MRFAP1: variants seen among roughly 807,000 people sequenced by gnomAD.
MRFAP1 encodes Morf4 family associated protein 1.
A neutral mutation model predicts 9.3 loss-of-function variants in MRFAP1; 1 was observed. That is an observed-to-expected ratio of 0.11 (90% confidence interval 0.04 to 0.51). The LOEUF is 0.51. Ranked by LOEUF, MRFAP1 falls within the 20% of genes least tolerant of loss-of-function variation. The pLI is 0.94. For synonymous variants in MRFAP1, 101 were observed against 80.3 expected, an observed-to-expected ratio of 1.26 and a Z score of -1.38; for missense variants, 180 against 178.6, an observed-to-expected ratio of 1.01 and a Z score of -0.04.
Position 6,642,154 on chromosome 4 carries a change from C to T in MRFAP1, c.*437C>T, listed in dbSNP as rs915487545. 1.3e-5 allele frequency: 2 copies of T among 152,634 alleles called. No homozygotes were observed. Among genetic ancestry groups the T allele is most frequent in the African/African-American group, 2.4e-5 (1 of 41,448 alleles). The allele number at this position is 152,634 out of a possible 1,614,324, so 9.5% of individuals were successfully genotyped here. A position where few individuals can be genotyped will look rare whatever the true frequency, so the allele number is the denominator to read the frequency against. ...AGGTGCTGAAGGAGCTGCATTAATT[C>T]TGGAAGACGACTCCATGCAGCAACT... On this transcript the variant is annotated 3_prime_UTR_variant, in exon 2 of 2. Coordinates refer to ENST00000382581, the MANE Select transcript of MRFAP1 (RefSeq NM_033296.3).
chr4:6,641,900 G>C lies in MRFAP1; in HGVS notation c.*183G>C, dbSNP rs1011206444. Reference sequence around the variant, plus strand: ...GATGACCTCAATATGAGTTTCGATTGTTAACGTGTTTTTGTTTGGGAAGTA... The same window carrying C: ...GATGACCTCAATATGAGTTTCGATTCTTAACGTGTTTTTGTTTGGGAAGTA... On this transcript the variant is annotated 3_prime_UTR_variant, in exon 2 of 2. Coordinates refer to ENST00000382581, the MANE Select transcript of MRFAP1 (RefSeq NM_033296.3). 5 of 152,634 alleles carry C rather than the reference G, an allele frequency of 3.3e-5. No homozygotes were observed. The highest frequency in any genetic ancestry group is 7.3e-5 in the Non-Finnish European group (5 of 68,056). The allele number at this position is 152,634 out of a possible 1,614,324, so 9.5% of individuals were successfully genotyped here. A position where few individuals can be genotyped will look rare whatever the true frequency, so the allele number is the denominator to read the frequency against.
In MRFAP1 at chr4:6,641,163, G is replaced by C; in HGVS notation, c.301G>C (p.Glu101Gln). ...GRAAKRCEKA[E>Q]EKAKEIAKMA... The stretch of plus-strand genomic sequence containing the variant: ...GGCGGCCAAGAGGTGCGAGAAGGCC[G>C]AGGAGAAGGCCAAGGAGATTGCGAA... The change falls in exon 1 of 2, where the codon GAG becomes CAG. Residue 101 changes from glutamate to glutamine, a missense_variant. By Grantham distance (29) the Glu-to-Gln change is conservative. Coordinates refer to ENST00000382581, the MANE Select transcript of MRFAP1 (RefSeq NM_033296.3). 1 of 1,614,060 alleles carries C rather than the reference G, an allele frequency of 6.2e-7. No homozygotes were observed. Among genetic ancestry groups the C allele is most frequent in the South Asian group, 1.1e-5 (1 of 91,060 alleles).
At chr4:6,641,600 T>G in intron 1 of MRFAP1, 130 bp from the exon 2 acceptor site, 1 of 230,288 alleles carries the variant, frequency 4.3e-6, no homozygotes, top group Non-Finnish European at 8.7e-6. Context: ...TCAACGTTGC[T>G]AGAGACTGGA....
At position 6,640,801 on chromosome 4, in the gene MRFAP1, C is replaced by T; in HGVS notation, c.-62C>T. On this transcript the variant is annotated 5_prime_UTR_variant, in exon 1 of 2. Transcript: ENST00000382581. Reference sequence around the variant, plus strand: ...TCGGGCTCTCTATTGCTAAGCATAGCGAGTGTCGGTTTTCTCTCTCCAACA... The same window carrying T: ...TCGGGCTCTCTATTGCTAAGCATAGTGAGTGTCGGTTTTCTCTCTCCAACA... 1 of 1,540,578 alleles carries T rather than the reference C, an allele frequency of 6.5e-7. No individual in the cohort carries two copies. The highest frequency in any genetic ancestry group is 1.7e-4 in the Middle Eastern group (1 of 5,726).
chr4:6,641,324 T>G, intron 1 of MRFAP1, 66 bp downstream of exon 1: 2 of 1,508,652 alleles, frequency 1.3e-6, no homozygotes, highest in Non-Finnish European at 1.8e-6. Context: ...AGAGCGATGA[T>G]TTCATCGAGA....
chr4:6,640,706 C>T lies in MRFAP1; in HGVS notation c.-157C>T, dbSNP rs536319486. ...CTCCATTTTGTTCGCCGTTACTCTGCGCGTAAGTCGCTTGTCCGTGGCTTC... is the reference window on the plus strand; with the variant it reads ...CTCCATTTTGTTCGCCGTTACTCTGTGCGTAAGTCGCTTGTCCGTGGCTTC... On this transcript the variant is annotated 5_prime_UTR_variant, in exon 1 of 2. Transcript: ENST00000382581. 8.4e-5 allele frequency: 80 copies of T among 954,548 alleles called. No homozygotes were observed. In the African/African-American group the frequency reaches 1.2e-3, roughly 15 times the overall value. The allele number at this position is 954,548 out of a possible 1,614,324, so 59.1% of individuals were successfully genotyped here.
chr4:6,641,411 T>A (rs1712822195), intron 1 of MRFAP1, 153 bp downstream of exon 1: 1 of 1,007,308 alleles, frequency 9.9e-7, no homozygotes, highest in South Asian at 1.9e-5. Flanking sequence ...GTCTTCGTGT[T>A]TTGTTTTTTG....
Position 6,641,144 on chromosome 4 carries a change from C to G in MRFAP1, c.282C>G (p.Ala94=). Residue 94 remains alanine (A), a synonymous_variant, in exon 1 of 2, where the codon GCC becomes GCG. Coordinates refer to ENST00000382581, the MANE Select transcript of MRFAP1 (RefSeq NM_033296.3). ...NPGDAAEGRA[A]KRCEKAEEKA... The stretch of plus-strand genomic sequence containing the variant: ...GCGACGCGGCCGAGGGCCGGGCGGC[C>G]AAGAGGTGCGAGAAGGCCGAGGAGA... 6.2e-7 allele frequency: 1 copy of G among 1,614,136 alleles called. No individual in the cohort carries two copies. The highest frequency in any genetic ancestry group is 8.5e-7 in the Non-Finnish European group (1 of 1,180,018).
In MRFAP1 at chr4:6,640,877, C is replaced by T. The variant is rs146669478; in HGVS notation, c.15C>T (p.Asp5=). Reference sequence around the variant, plus strand: ...AGTGGGAAGAGATGCGGCCCCTGGACATCGTCGAGCTGGCGGAACCGGAGG... The same window carrying T: ...AGTGGGAAGAGATGCGGCCCCTGGATATCGTCGAGCTGGCGGAACCGGAGG... MRPL[D]IVELAEPEEV... Residue 5 remains aspartate, a synonymous_variant, in exon 1 of 2, where the codon GAC becomes GAT. Transcript: ENST00000382581. The T allele has an allele frequency of 1.2e-6, 2 of 1,609,270 alleles. No individual in the cohort carries two copies. The highest frequency in any genetic ancestry group is 1.3e-5 in the African/African-American group (1 of 74,916).
At position 6,641,892 on chromosome 4, in the gene MRFAP1, T is replaced by C. The variant is rs993230964; in HGVS notation, c.*175T>C. On this transcript the variant is annotated 3_prime_UTR_variant, in exon 2 of 2. Coordinates refer to ENST00000382581, the MANE Select transcript of MRFAP1 (RefSeq NM_033296.3). ...CTGTGGTTGATGACCTCAATATGAG[T>C]TTCGATTGTTAACGTGTTTTTGTTT... 4.6e-5 allele frequency: 7 copies of C among 152,628 alleles called. No homozygotes were observed. The highest frequency in any genetic ancestry group is 1.7e-4 in the African/African-American group (7 of 41,426). The allele number at this position is 152,628 out of a possible 1,614,324, so 9.5% of individuals were successfully genotyped here.
chr4:6,640,806 G>A lies in MRFAP1; in HGVS notation c.-57G>A, dbSNP rs2108772190. On this transcript the variant is annotated 5_prime_UTR_variant, in exon 1 of 2. Coordinates refer to ENST00000382581, the MANE Select transcript of MRFAP1 (RefSeq NM_033296.3). ...CTCTCTATTGCTAAGCATAGCGAGT[G>A]TCGGTTTTCTCTCTCCAACAGACAT... is the stretch of plus-strand genomic sequence containing the variant. 1.3e-6 allele frequency: 2 copies of A among 1,549,746 alleles called. No individual in the cohort carries two copies. The highest frequency in any genetic ancestry group is 1.2e-5 in the South Asian group (1 of 82,626).
In MRFAP1 at chr4:6,642,108, G is replaced by T. The variant is rs1712861226; in HGVS notation, c.*391G>T. ...CTGTGTGTGACACATGAGACTCACA[G>T]TTGGAGTTCTCCAGCTCTGGAGGTG... On this transcript the variant is annotated 3_prime_UTR_variant, in exon 2 of 2. Transcript: ENST00000382581. 4 of 152,676 alleles carry T rather than the reference G, an allele frequency of 2.6e-5. No individual in the cohort carries two copies. The highest frequency in any genetic ancestry group is 4.4e-5 in the Non-Finnish European group (3 of 68,054). 9.5% of individuals were successfully genotyped at this position (152,676 alleles called of 1,614,324 possible). A position where few individuals can be genotyped will look rare whatever the true frequency, so the allele number is the denominator to read the frequency against.
In MRFAP1 at chr4:6,640,817, C is replaced by T. The variant is rs376237842; in HGVS notation, c.-46C>T. On this transcript the variant is annotated 5_prime_UTR_variant, in exon 1 of 2. Coordinates refer to ENST00000382581, the MANE Select transcript of MRFAP1 (RefSeq NM_033296.3). ...TAAGCATAGCGAGTGTCGGTTTTCT[C>T]TCTCCAACAGACATCGCTATTGCGG... 6.4e-7 allele frequency: 1 copy of T among 1,560,194 alleles called. No homozygotes were observed. The highest frequency in any genetic ancestry group is 8.7e-7 in the Non-Finnish European group (1 of 1,148,480).
Position 6,642,476 on chromosome 4 carries a change from C to T in MRFAP1, c.*759C>T, listed in dbSNP as rs1279921153. 6.6e-6 allele frequency: 1 copy of T among 152,448 alleles called. No individual in the cohort carries two copies. The highest frequency in any genetic ancestry group is 1.5e-5 in the Non-Finnish European group (1 of 68,008). The allele number at this position is 152,448 out of a possible 1,614,324, so 9.4% of individuals were successfully genotyped here. On this transcript the variant is annotated 3_prime_UTR_variant, in exon 2 of 2. Transcript: ENST00000382581. ...TATTCTGTACAAGTTGATGTAATACCCTGATGCGTTTTAGAGGACTTGGCA... is the reference window on the plus strand; with the variant it reads ...TATTCTGTACAAGTTGATGTAATACTCTGATGCGTTTTAGAGGACTTGGCA...
Position 6,641,048 on chromosome 4 carries a change from T to C in MRFAP1, c.186T>C (p.Asn62=), listed in dbSNP as rs765152560. The C allele has an allele frequency of 6.2e-7, 1 of 1,614,068 alleles. No individual in the cohort carries two copies. Among genetic ancestry groups the C allele is most frequent in the Non-Finnish European group, 8.5e-7 (1 of 1,179,968 alleles). ...RNRSKLWEMD[N]MLIQIKTQVE... The stretch of plus-strand genomic sequence containing the variant: ...GGAGCAAGCTGTGGGAGATGGACAA[T>C]ATGCTCATCCAGATCAAAACGCAGG... Residue 62 remains asparagine (N), a synonymous_variant, in exon 1 of 2, where the codon AAT becomes AAC. Coordinates refer to ENST00000382581, the MANE Select transcript of MRFAP1 (RefSeq NM_033296.3).
At chr4:6,641,415 T>C (rs1330593020) in intron 1 of MRFAP1, 157 bp downstream of exon 1, 4 of 963,142 alleles carry the variant, frequency 4.2e-6, no homozygotes, top group South Asian at 3.9e-5. Context: ...TCGTGTTTTG[T>C]TTTTTGACGG....
chr4:6,640,956 A>T lies in MRFAP1; in HGVS notation c.94A>T (p.Ile32Phe). The change falls in exon 1 of 2, where the codon ATC becomes TTC. Residue 32 changes from isoleucine to phenylalanine, a missense_variant. Coordinates refer to ENST00000382581, the MANE Select transcript of MRFAP1 (RefSeq NM_033296.3). ...TTTCGAGCAGTTTCTGCTCCCGGTC[A>T]TCAACGAGATGCGCGAGGACATCGC... Reference protein sequence around the residue: ...EDFEQFLLPVINEMREDIASL... With the variant: ...EDFEQFLLPVFNEMREDIASL... 1.9e-6 allele frequency: 3 copies of T among 1,614,118 alleles called. No homozygotes were observed. The highest frequency in any genetic ancestry group is 2.5e-6 in the Non-Finnish European group (3 of 1,180,004).
intron 1 of MRFAP1, 192 bp downstream of exon 1, chr4:6,641,450 G>A: frequency 1.5e-6 from 1 of 679,444 alleles, no homozygotes; most frequent in Non-Finnish European, 2.3e-6. Context: ...AATCAGAGTG[G>A]CCGGGTTTGG....
At chr4:6,641,350 G>T in intron 1 of MRFAP1, 92 bp downstream of exon 1, 1 of 1,468,592 alleles carries the variant, frequency 6.8e-7, no homozygotes. Context: ...CGGAATCGGG[G>T]GTGGGGCGGG....
Sources: gnomAD v4.1 joint callset for allele counts on GRCh38, gnomAD v4.1.1 for gene constraint, MANE v1.5 for transcripts, NCBI Gene and HGNC (gene_info 2026-07-23, HGNC 2026-07-21) for gene names.